Variants in MTNR1B observed in about 807,000 individuals in gnomAD.
The protein encoded by MTNR1B is melatonin receptor 1B.
MTNR1B carries 7 observed loss-of-function variants against 7.0 expected under a neutral mutation model. That is an observed-to-expected ratio of 1.00 (90% CI 0.57 to 1.88). The LOEUF (loss-of-function observed/expected upper bound fraction) is 1.88. Among genes scored for constraint, MTNR1B ranks in the 40% most tolerant of loss-of-function variants. The pLI is 0.00. For synonymous variants in MTNR1B, 226 were observed against 208.2 expected (o/e 1.09, Z -0.74); for missense variants, 478 against 486.5 (o/e 0.98, Z 0.16).
chr11:92,972,844 G>A (rs1301735992), intron 1 of MTNR1B, among the ~76,000 whole-genome samples: 2 of 152,076 alleles, frequency 1.3e-5, no homozygotes, highest in Non-Finnish European at 2.9e-5. Flanking sequence ...CTTCCTCCAT[G>A]TTACACACAC....
chr11:92,972,192 G>A (rs890990262), intron 1 of MTNR1B, among the ~76,000 whole-genome samples: 6 of 152,260 alleles, frequency 3.9e-5, no homozygotes, highest in Admixed American at 2.0e-4. Context: ...TTTAAGAAAC[G>A]CTTCTTCAGA....
Position 92,969,732 on chromosome 11 carries a change from G to A in MTNR1B, c.7G>A (p.Glu3Lys). The change falls in exon 1 of 2, where the codon GAG (glutamate) becomes AAG (lysine). Residue 3 changes from glutamate (E) to lysine (K), a missense_variant. By Grantham distance (56) the Glu-to-Lys change is moderately conservative (BLOSUM62 1). Coordinates refer to ENST00000257068, the MANE Select transcript of MTNR1B (RefSeq NM_005959.5). The stretch of plus-strand genomic sequence containing the variant: ...CAGCGCGGGAGAGTCTGCGATGTCA[G>A]AGAACGGCTCCTTCGCCAACTGCTG... MS[E>K]NGSFANCCEA... 6.8e-7 allele frequency: 1 copy of A among 1,480,832 alleles called. No homozygotes were observed. The highest frequency in any genetic ancestry group is 9.0e-7 in the Non-Finnish European group (1 of 1,115,554). 91.7% of individuals were successfully genotyped at this position (1,480,832 alleles called of 1,614,324 possible).
At chr11:92,970,814 C>T (rs1231307230) in intron 1 of MTNR1B, among the ~76,000 whole-genome samples, 1 of 152,002 alleles carries the variant, frequency 6.6e-6, no homozygotes, top group Non-Finnish European at 1.5e-5. Flanking sequence ...TCAAGTTGGG[C>T]CTTGGGAGCA....
intron 1 of MTNR1B, among the ~76,000 whole-genome samples, chr11:92,976,940 A>C (rs1031301792): frequency 1.3e-5 from 2 of 152,236 alleles, no homozygotes; most frequent in African/African-American, 4.8e-5. Flanking sequence ...AATGGAGTCC[A>C]TTTATGTAAA....
Position 92,982,184 on chromosome 11 carries a change from A to G in MTNR1B, c.961A>G (p.Arg321Gly), listed in dbSNP as rs1245492357. The change falls in exon 2 of 2, where the codon AGG becomes GGG. Residue 321 changes from arginine to glycine, a missense_variant. Coordinates refer to ENST00000257068, the MANE Select transcript of MTNR1B (RefSeq NM_005959.5). ...CCAAAACTTCCGCAGGGAATACAAG[A>G]GGATCCTCTTGGCCCTTTGGAACCC... Reference protein sequence around the residue: ...LNQNFRREYKRILLALWNPRH... With the variant: ...LNQNFRREYKGILLALWNPRH... The G allele has an allele frequency of 6.2e-7, 1 of 1,614,100 alleles. No individual in the cohort carries two copies. Among genetic ancestry groups the G allele is most frequent in the Non-Finnish European group, 8.5e-7 (1 of 1,180,062 alleles).
Position 92,982,687 on chromosome 11 carries a change from C to G in MTNR1B, c.*375C>G. 4.0e-6 allele frequency: 1 copy of G among 248,802 alleles called. No individual in the cohort carries two copies. Among genetic ancestry groups the G allele is most frequent in the East Asian group, 8.9e-5 (1 of 11,210 alleles). The allele number at this position is 248,802 out of a possible 1,614,324, so 15.4% of individuals were successfully genotyped here. A position where few individuals can be genotyped will look rare whatever the true frequency, so the allele number is the denominator to read the frequency against. On this transcript the variant is annotated 3_prime_UTR_variant, in exon 2 of 2. Transcript: ENST00000257068. The stretch of plus-strand genomic sequence containing the variant: ...CTTTCTCCCCTTCCCCCCAGCGTGG[C>G]AGGATCTCTTCCTGTTAGCAAGGAT...
chr11:92,982,948 CA>C (rs1325581006), downstream of MTNR1B, among the ~76,000 whole-genome samples: 375 of 49,510 alleles, frequency 7.6e-3, 5 homozygotes, highest in African/African-American at 0.028. Flanking sequence ...CCCCCCCCCC[CA>C]CACACACACA....
At chr11:92,978,570 C>G (rs1316266724) in intron 1 of MTNR1B, among the ~76,000 whole-genome samples, 1 of 152,210 alleles carries the variant, frequency 6.6e-6, no homozygotes, top group Non-Finnish European at 1.5e-5. Flanking sequence ...CTCCCCTTGA[C>G]TATCATCCAC....
intron 1 of MTNR1B, among the ~76,000 whole-genome samples, chr11:92,978,949 G>A (rs1329227186): frequency 1.3e-5 from 2 of 152,178 alleles, no homozygotes; most frequent in African/African-American, 4.8e-5. Context: ...CAAGTGCCAA[G>A]AGCTTGTGTG....
downstream of MTNR1B, chr11:92,984,687 C>G (rs761674081): frequency 3.0e-6 from 1 of 338,732 alleles, no homozygotes; most frequent in South Asian, 2.4e-5. Context: ...ATGCATGGCA[C>G]GTGCTCAGTA....
At position 92,981,862 on chromosome 11, in the gene MTNR1B, C is replaced by T. The variant is rs371357715; in HGVS notation, c.639C>T (p.Ile213=). 4.2e-5 allele frequency: 68 copies of T among 1,614,088 alleles called. No individual in the cohort carries two copies. The highest frequency in any genetic ancestry group is 8.8e-5 in the South Asian group (8 of 91,088). ...AVVVIHFLLP[I]AVVSFCYLRI... is the part of the protein sequence containing the mutation. ...TGGTCATCCACTTCCTCCTCCCTAT[C>T]GCTGTCGTGTCCTTCTGCTACCTGC... The change falls in exon 2 of 2, where the codon ATC becomes ATT. Residue 213 remains isoleucine (I), a synonymous_variant. Transcript: ENST00000257068.
intron 1 of MTNR1B, chr11:92,972,409 C>T: frequency 2.2e-6 from 1 of 456,204 alleles, no homozygotes; most frequent in Non-Finnish European, 4.4e-6. Flanking sequence ...CCTAACAGTG[C>T]CGCTCCTGAT....
chr11:92,969,687 G>A lies in MTNR1B; in HGVS notation c.-39G>A. ...TGCGCGCGCCCTGCGGCTGTCCGGG[G>A]CCGCGCGGTGGCCAAAGCACAGCGC... On this transcript the variant is annotated 5_prime_UTR_variant, in exon 1 of 2. Coordinates refer to ENST00000257068, the MANE Select transcript of MTNR1B (RefSeq NM_005959.5). 1.4e-6 allele frequency: 2 copies of A among 1,400,072 alleles called. No homozygotes were observed. The highest frequency in any genetic ancestry group is 9.3e-7 in the Non-Finnish European group (1 of 1,077,458). 86.7% of individuals were successfully genotyped at this position (1,400,072 alleles called of 1,614,324 possible).
downstream of MTNR1B, among the ~76,000 whole-genome samples, chr11:92,984,039 C>T (rs1291722926): frequency 6.6e-6 from 1 of 152,196 alleles, no homozygotes; most frequent in South Asian, 2.1e-4. Flanking sequence ...CATCATCCCA[C>T]CTCGGAATAT....
At position 92,982,268 on chromosome 11, in the gene MTNR1B, G is replaced by A. The variant is rs1031793000; in HGVS notation, c.1045G>A (p.Ala349Thr). ...GSHAEGLQSP[A>T]PPIIGVQHQA... ...CCACGCGGAGGGGCTGCAGAGCCCA[G>A]CTCCACCCATCATTGGTGTGCAGCA... The change falls in exon 2 of 2, where the codon GCT becomes ACT. Residue 349 changes from alanine (A) to threonine (T), a missense_variant. Ala to Thr is a moderately conservative substitution (Grantham distance 58). Transcript: ENST00000257068. 6.2e-7 allele frequency: 1 copy of A among 1,613,980 alleles called. No homozygotes were observed. Among genetic ancestry groups the A allele is most frequent in the African/African-American group, 1.3e-5 (1 of 74,936 alleles).
chr11:92,978,608 G>A (rs941299440), intron 1 of MTNR1B, among the ~76,000 whole-genome samples: 8 of 152,218 alleles, frequency 5.3e-5, no homozygotes, highest in African/African-American at 1.9e-4. Context: ...ACAGATGGAA[G>A]ACAAAACACA....
chr11:92,982,950 CA>C (rs1565181717), downstream of MTNR1B, among the ~76,000 whole-genome samples: 23 of 118,448 alleles, frequency 1.9e-4, 1 homozygote, highest in African/African-American at 7.9e-4. Flanking sequence ...CCCCCCCCCA[CA>C]CACACACACA....
In MTNR1B at chr11:92,981,553, G is replaced by A; in HGVS notation, c.330G>A (p.Glu110=). The change falls in exon 2 of 2, where the codon GAG becomes GAA. Residue 110 remains glutamate, a synonymous_variant. Coordinates refer to ENST00000257068, the MANE Select transcript of MTNR1B (RefSeq NM_005959.5). The stretch of plus-strand genomic sequence containing the variant: ...TCTATGACGGCTGGGCCCTGGGGGA[G>A]GAGCACTGCAAGGCCAGCGCCTTTG... ...AIFYDGWALG[E]EHCKASAFVM... The A allele has an allele frequency of 6.2e-7, 1 of 1,614,176 alleles. No homozygotes were observed. The highest frequency in any genetic ancestry group is 8.5e-7 in the Non-Finnish European group (1 of 1,180,034).
intron 1 of MTNR1B, among the ~76,000 whole-genome samples, chr11:92,978,093 A>C (rs1858039525): frequency 6.6e-6 from 1 of 152,326 alleles, no homozygotes; most frequent in South Asian, 2.1e-4. Context: ...CTCAATGACC[A>C]AGGAGAATTT....
Sources: allele counts gnomAD v4.1 joint callset (sites outside exome capture counted in the v4.1 genomes callset), GRCh38; gene constraint gnomAD v4.1.1; transcripts MANE v1.5; gene names NCBI Gene and HGNC (gene_info 2026-07-23, HGNC 2026-07-21).